PGD: variants seen among roughly 807,000 people sequenced by gnomAD.
PGD encodes phosphogluconate dehydrogenase.
Under a neutral mutation model 60.4 loss-of-function variants are expected in PGD, and 21 were observed. The ratio of observed to expected loss-of-function variants is 0.35; its 90% confidence interval spans 0.25 to 0.50. The LOEUF (loss-of-function observed/expected upper bound fraction) is 0.50, where lower values mean the gene tolerates loss of function less well. Among genes scored for constraint, PGD ranks in the 20% least tolerant of loss-of-function variants. The pLI is 0.98. For synonymous variants in PGD, 230 were observed against 235.9 expected, an observed-to-expected ratio of 0.97 and a Z score of 0.23; for missense variants, 477 against 613.1, an observed-to-expected ratio of 0.78 and a Z score of 2.34.
chr1:10,418,102 T>C lies in PGD; in HGVS notation c.1109+593T>C, dbSNP rs974149446. On this transcript the variant is annotated intron_variant, in intron 10 of 12. Coordinates refer to ENST00000270776, the MANE Select transcript of PGD (RefSeq NM_002631.4). ...TGCCTCTTGGGAATTTTGCTCTGTA[T>C]TTTCATTGAAAATGCCAAATCATAG... 2.0e-5 allele frequency among the ~76,000 whole-genome samples: 3 copies of C among 152,212 alleles called. No individual in the cohort carries two copies. In the South Asian group the frequency reaches 6.2e-4, roughly 31 times the overall value.
intron 2 of PGD, chr1:10,400,146 C>T (rs1203939930): frequency 5.9e-6 from 3 of 507,362 alleles, no homozygotes; most frequent in Non-Finnish European, 1.1e-5. Context: ...TGAGTCCTAA[C>T]ACGTTGGGTG....
In PGD at chr1:10,409,649, C is replaced by CTTTTTTT. The variant is rs543426528; in HGVS notation, c.519+1529_519+1535dup. ...CTGCAATAAAAGTGAGTGGTAGCAA[C>CTTTTTTT]TTTTTTTTTTTTTTTTTTTTTTTTT... On this transcript the variant is annotated intron_variant, in intron 6 of 12. Transcript: ENST00000270776. Among the ~76,000 whole-genome samples, 234 of 75,406 alleles carry CTTTTTTT rather than the reference C, an allele frequency of 3.1e-3. 25 individuals are homozygous for CTTTTTTT. The highest frequency in any genetic ancestry group is 8.3e-3 in the African/African-American group (136 of 16,422). The allele number at this position is 75,406 out of a possible 152,430, so 49.5% of individuals were successfully genotyped here. A position where few individuals can be genotyped will look rare whatever the true frequency, so the allele number is the denominator to read the frequency against.
chr1:10,416,605 T>C (rs1315648804), intron 8 of PGD, among the ~76,000 whole-genome samples: 1 of 152,322 alleles, frequency 6.6e-6, no homozygotes, highest in East Asian at 1.9e-4. Context: ...GCAGGCAGGT[T>C]GAGTCCGAAG....
chr1:10,399,598 T>C, intron 1 of PGD, 31 bp from the exon 2 acceptor site: 1 of 1,605,164 alleles, frequency 6.2e-7, no homozygotes, highest in Non-Finnish European at 8.5e-7. Context: ...CGGTGCTGAC[T>C]CTTTCCTTTG....
In PGD at chr1:10,418,940, G is replaced by T. The variant is rs1557766922; in HGVS notation, c.1209+15G>T. 7.1e-7 allele frequency: 1 copy of T among 1,416,128 alleles called. No individual in the cohort carries two copies. The highest frequency in any genetic ancestry group is 1.4e-5 in the African/African-American group (1 of 70,924). 87.7% of individuals were successfully genotyped at this position (1,416,128 alleles called of 1,614,324 possible). On this transcript the variant is annotated intron_variant, in intron 11 of 12. Coordinates refer to ENST00000270776, the MANE Select transcript of PGD (RefSeq NM_002631.4). Reference sequence around the variant, plus strand: ...AAAACTGCCAGGTATGTAGCCTAGGGCTGGTGCCATGGTTACTCTACCTCC... The same window carrying T: ...AAAACTGCCAGGTATGTAGCCTAGGTCTGGTGCCATGGTTACTCTACCTCC...
chr1:10,411,402 CTTG>C lies in PGD; in HGVS notation c.520-11_520-9del, dbSNP rs747860919. ...CTGTTTCTCTGAAGGCCTCTTGGTG[CTTG>C]TTGTCCTGACAGGTGGGAGATGAGG... On this transcript the variant is annotated splice_polypyrimidine_tract_variant and intron_variant, in intron 6 of 12. Transcript: ENST00000270776. The C allele has an allele frequency of 3.4e-5, 55 of 1,612,296 alleles. No homozygotes were observed. The highest frequency in any genetic ancestry group is 4.6e-5 in the Non-Finnish European group (54 of 1,179,678).
chr1:10,399,640 C>T lies in PGD; in HGVS notation c.20C>T (p.Ala7Val). MAQADI[A>V]LIGLAVMGQN... ...TTCTGCCTCTCTAGAGCTGACATCG[C>T]GCTGATCGGATTGGCCGTCATGGGC... Residue 7 changes from alanine to valine, a missense_variant, in exon 2 of 13, where the codon GCG becomes GTG. Around this residue, in one of 3 missense-constraint regions of PGD, gnomAD observed 431 missense variants for 556.6 expected, o/e 0.77. Transcript: ENST00000270776. The T allele has an allele frequency of 1.9e-6, 3 of 1,613,880 alleles. No homozygotes were observed. The highest frequency in any genetic ancestry group is 2.5e-6 in the Non-Finnish European group (3 of 1,179,936).
Position 10,417,482 on chromosome 1 carries a change from T to C in PGD, c.1082T>C (p.Met361Thr). The change falls in exon 10 of 13, where the codon ATG (methionine) becomes ACG (threonine). Residue 361 changes from methionine (M) to threonine (T), a missense_variant. By Grantham distance (81) the Met-to-Thr change is moderately conservative. This residue lies in a region of PGD where 431 missense variants were observed against 556.6 expected (regional missense o/e 0.77). Coordinates refer to ENST00000270776, the MANE Select transcript of PGD (RefSeq NM_002631.4). ...WTLNYGGIAL[M>T]WRGGCIIRSV... ...CTCAATTATGGTGGCATCGCCCTGA[T>C]GTGGAGAGGGGGCTGCATCATTAGA... 3 of 1,613,576 alleles carry C rather than the reference T, an allele frequency of 1.9e-6. No individual in the cohort carries two copies. Among genetic ancestry groups the C allele is most frequent in the Non-Finnish European group, 1.7e-6 (2 of 1,179,770 alleles).
chr1:10,413,992 G>A (rs1434636920), intron 8 of PGD, among the ~76,000 whole-genome samples: 1 of 151,848 alleles, frequency 6.6e-6, no homozygotes, highest in Non-Finnish European at 1.5e-5. Flanking sequence ...GGAGGCAGAG[G>A]TTGCAGTGAG....
In PGD at chr1:10,420,164, TAGTCTC is replaced by T; in HGVS notation, c.*417_*422del. The T allele has an allele frequency of 6.3e-6, 1 of 159,512 alleles. No homozygotes were observed. Among genetic ancestry groups the T allele is most frequent in the South Asian group, 1.7e-4 (1 of 5,828 alleles). The allele number at this position is 159,512 out of a possible 1,614,324, so 9.9% of individuals were successfully genotyped here. The stretch of plus-strand genomic sequence containing the variant: ...GACTGATGCTCTTTCTCCAGATTCT[TAGTCTC>T]ACCTCGGCCACATGGAGCCATTATC... On this transcript the variant is annotated 3_prime_UTR_variant, in exon 13 of 13. Transcript: ENST00000270776.
intron 10 of PGD, among the ~76,000 whole-genome samples, chr1:10,418,098 T>C (rs183807720): frequency 6.6e-6 from 1 of 152,256 alleles, no homozygotes; most frequent in Non-Finnish European, 1.5e-5. Context: ...AATTTTGCTC[T>C]GTATTTTCAT....
rs769181466 is a variant in PGD, at chr1:10,413,026, C to A, written c.655-36C>A. ...GGGGCTTCCTTGCTCAGCCCTCATT[C>A]CTCTAACATGGTTCTCTCCTGTGTT... On this transcript the variant is annotated intron_variant, in intron 7 of 12. Transcript: ENST00000270776. The A allele has an allele frequency of 8.2e-6, 13 of 1,579,048 alleles. No homozygotes were observed. In the South Asian group the frequency reaches 1.0e-4, roughly 12 times the overall value.
intron 2 of PGD, 50 bp downstream of exon 2, chr1:10,399,754 C>A: frequency 6.6e-7 from 1 of 1,510,348 alleles, no homozygotes. Flanking sequence ...GGCGCTTTAG[C>A]CGAGGCCGGC....
chr1:10,406,906 T>C (rs1639417347), intron 5 of PGD, among the ~76,000 whole-genome samples: 1 of 152,142 alleles, frequency 6.6e-6, no homozygotes, highest in Admixed American at 6.6e-5. Flanking sequence ...CTTCACTTGC[T>C]AAAAGCCATT....
In PGD at chr1:10,419,902, A is replaced by G; in HGVS notation, c.*153A>G. ...AGGAAGACACACAGTTTATTTGTAA[A>G]GTAGCTCTGTGAGAGCCACCATGCC... On this transcript the variant is annotated 3_prime_UTR_variant, in exon 13 of 13. Coordinates refer to ENST00000270776, the MANE Select transcript of PGD (RefSeq NM_002631.4). 1 of 924,974 alleles carries G rather than the reference A, an allele frequency of 1.1e-6. No individual in the cohort carries two copies. Among genetic ancestry groups the G allele is most frequent in the East Asian group, 2.5e-5 (1 of 39,484 alleles). 57.3% of individuals were successfully genotyped at this position (924,974 alleles called of 1,614,324 possible). A position where few individuals can be genotyped will look rare whatever the true frequency, so the allele number is the denominator to read the frequency against.
chr1:10,403,184 GAA>G, intron 4 of PGD, 48 bp downstream of exon 4: 1 of 1,342,790 alleles, frequency 7.4e-7, no homozygotes, highest in Non-Finnish European at 1.1e-6. Context: ...GAACATTCTA[GAA>G]AAAAGTGTCA....
At chr1:10,409,993 T>G (rs1639473627) in intron 6 of PGD, among the ~76,000 whole-genome samples, 1 of 152,058 alleles carries the variant, frequency 6.6e-6, no homozygotes, top group Non-Finnish European at 1.5e-5. Flanking sequence ...TAGGACAAAG[T>G]CATGAAGAGA....
Position 10,400,527 on chromosome 1 carries a change from C to G in PGD, c.219C>G (p.Leu73=). The part of the protein sequence containing the change: ...SKLKKPRRII[L]LVKAGQAVDD... ...TGAAGAAGCCCCGGCGGATCATCCT[C>G]CTGGTGAAGGCTGGGCAAGCTGTGG... The change falls in exon 3 of 13, where the codon CTC becomes CTG. Residue 73 remains leucine, a synonymous_variant. Coordinates refer to ENST00000270776, the MANE Select transcript of PGD (RefSeq NM_002631.4). 2 of 1,614,064 alleles carry G rather than the reference C, an allele frequency of 1.2e-6. No individual in the cohort carries two copies. Among genetic ancestry groups the G allele is most frequent in the East Asian group, 2.2e-5 (1 of 44,876 alleles).
At chr1:10,403,823 T>A (rs1639355243) in intron 4 of PGD, among the ~76,000 whole-genome samples, 1 of 152,214 alleles carries the variant, frequency 6.6e-6, no homozygotes, top group South Asian at 2.1e-4. Context: ...TGGCATTAAG[T>A]TGTATTACAC....
Sources: allele counts gnomAD v4.1 joint callset (sites outside exome capture counted in the v4.1 genomes callset), GRCh38; gene constraint gnomAD v4.1.1; regional missense constraint gnomAD v4.1.1; transcripts MANE v1.5; gene names NCBI Gene and HGNC (gene_info 2026-07-23, HGNC 2026-07-21).